CNTN5: variants seen among roughly 807,000 people sequenced by gnomAD.
CNTN5 encodes the protein contactin-5.
Under a neutral mutation model 129.1 loss-of-function variants are expected in CNTN5, and 77 were observed. That is an observed-to-expected ratio of 0.60 (90% CI 0.50 to 0.72). The LOEUF (loss-of-function observed/expected upper bound fraction) is 0.72. Ranked by LOEUF, CNTN5 falls within the 30% of genes least tolerant of loss-of-function variation. The pLI, the probability that CNTN5 is intolerant of heterozygous loss-of-function variation, is 0.00. For missense variants in CNTN5, 1,478 were observed against 1,328.8 expected, an observed-to-expected ratio of 1.11 and a Z score of -1.75; for synonymous variants, 509 against 465.6, an observed-to-expected ratio of 1.09 and a Z score of -1.20.
Position 99,617,591 on chromosome 11 carries a change from T to C in CNTN5, c.55+61322T>C, listed in dbSNP as rs560545146. 3.0e-4 allele frequency among the ~76,000 whole-genome samples: 45 copies of C among 152,290 alleles called. No individual in the cohort carries two copies. The South Asian group carries it at 8.5e-3, about 29-fold the overall frequency. On this transcript the variant is annotated intron_variant, in intron 3 of 24. Coordinates refer to ENST00000524871, the MANE Select transcript of CNTN5 (RefSeq NM_014361.4). ...TCTTATTTTCCTCAATGACAACTTA[T>C]GAAACATTTTAGAACTTGAGATCCC...
chr11:99,452,207 C>A (rs1944328134), intron 2 of CNTN5, among the ~76,000 whole-genome samples: 1 of 151,854 alleles, frequency 6.6e-6, no homozygotes, highest in African/African-American at 2.4e-5. Flanking sequence ...CTGTAAAATA[C>A]TGTATACAAT....
intron 3 of CNTN5, among the ~76,000 whole-genome samples, chr11:99,812,075 GGAAGTCAGTTATCACACACT>G (rs1273736176): frequency 9.9e-5 from 15 of 152,172 alleles, no homozygotes; most frequent in African/African-American, 3.4e-4. Context: ...AAGGCCTACT[GGAAGTCAGTTATCACACACT>G]GAGTTCTTCC....
intron 1 of CNTN5, among the ~76,000 whole-genome samples, chr11:99,273,745 A>G (rs1201849079): frequency 6.6e-6 from 1 of 151,700 alleles, no homozygotes; most frequent in African/African-American, 2.4e-5. Flanking sequence ...TTAATAACTA[A>G]CATAAAGATC....
At chr11:100,059,874 T>C (rs993124979) in intron 9 of CNTN5, among the ~76,000 whole-genome samples, 1 of 152,158 alleles carries the variant, frequency 6.6e-6, no homozygotes. Context: ...ACGTGAAATA[T>C]GTGCAAGGTT....
intron 13 of CNTN5, among the ~76,000 whole-genome samples, chr11:100,176,934 A>C (rs1324316853): frequency 6.6e-6 from 1 of 151,854 alleles, no homozygotes; most frequent in African/African-American, 2.4e-5. Context: ...ATTACAAGAC[A>C]GTTCCGAGAT....
At chr11:99,437,477 T>C (rs1187212426) in intron 2 of CNTN5, among the ~76,000 whole-genome samples, 2 of 152,164 alleles carry the variant, frequency 1.3e-5, no homozygotes, top group African/African-American at 4.8e-5. Context: ...ACTTAAACAA[T>C]ATTTCCCGTT....
intron 20 of CNTN5, among the ~76,000 whole-genome samples, chr11:100,305,752 T>C (rs1487864077): frequency 6.6e-6 from 1 of 151,534 alleles, no homozygotes; most frequent in South Asian, 2.1e-4. Flanking sequence ...AAATAGTACA[T>C]ACTAAAATTT....
At chr11:99,566,190 AT>A in intron 3 of CNTN5, among the ~76,000 whole-genome samples, 1 of 152,124 alleles carries the variant, frequency 6.6e-6, no homozygotes, top group East Asian at 1.9e-4. Context: ...CTCACTCCGA[AT>A]AACGTGAGAT....
chr11:99,064,237 A>G (rs896999841), intron 1 of CNTN5, among the ~76,000 whole-genome samples: 19 of 152,104 alleles, frequency 1.2e-4, no homozygotes, highest in African/African-American at 4.6e-4. Context: ...TGTTCTTACT[A>G]CTTTTCTTCT....
intron 21 of CNTN5, among the ~76,000 whole-genome samples, chr11:100,332,639 G>T (rs1294876719): frequency 6.6e-6 from 1 of 152,082 alleles, no homozygotes; most frequent in East Asian, 1.9e-4. Context: ...GGGATACAGG[G>T]ATAGTTTAAC....
intron 8 of CNTN5, among the ~76,000 whole-genome samples, chr11:100,000,217 C>G (rs1041564779): frequency 3.3e-5 from 5 of 151,988 alleles, no homozygotes; most frequent in Admixed American, 2.0e-4. Context: ...TCATTTGAGA[C>G]AAGAATAGTC....
chr11:99,830,378 C>G (rs1947101034), intron 4 of CNTN5, among the ~76,000 whole-genome samples: 1 of 151,952 alleles, frequency 6.6e-6, no homozygotes. Flanking sequence ...AATTTGTGGC[C>G]TTATGTCTTC....
chr11:99,254,296 T>C (rs1862267973), intron 1 of CNTN5, among the ~76,000 whole-genome samples: 1 of 151,952 alleles, frequency 6.6e-6, no homozygotes, highest in Non-Finnish European at 1.5e-5. Flanking sequence ...ATACTTGCAC[T>C]GAATAACATG....
intron 13 of CNTN5, among the ~76,000 whole-genome samples, chr11:100,177,006 T>C (rs1947987976): frequency 6.6e-6 from 1 of 151,970 alleles, no homozygotes; most frequent in African/African-American, 2.4e-5. Flanking sequence ...TATTCAGCTC[T>C]TCTGCTGAAG....
intron 13 of CNTN5, among the ~76,000 whole-genome samples, chr11:100,162,803 T>A (rs1047620325): frequency 2.0e-5 from 3 of 151,750 alleles, no homozygotes; most frequent in African/African-American, 4.8e-5. Flanking sequence ...TTGAATATAA[T>A]GTATATTTCT....
At chr11:99,258,935 GT>G (rs918378154) in intron 1 of CNTN5, among the ~76,000 whole-genome samples, 2 of 151,674 alleles carry the variant, frequency 1.3e-5, no homozygotes, top group African/African-American at 4.8e-5. Context: ...ACTGATTTGT[GT>G]TTTTTTATTA....
At chr11:99,878,899 A>G (rs1473038740) in intron 6 of CNTN5, among the ~76,000 whole-genome samples, 9 of 152,140 alleles carry the variant, frequency 5.9e-5, no homozygotes. Context: ...TGATACTCCC[A>G]AAAGGTTCTG....
At chr11:99,652,442 C>T (rs1412741973) in intron 3 of CNTN5, among the ~76,000 whole-genome samples, 1 of 151,996 alleles carries the variant, frequency 6.6e-6, no homozygotes, top group Admixed American at 6.6e-5. Context: ...CTATATGATT[C>T]AGAGGTTCTC....
At chr11:100,129,263 C>A (rs1359224925) in intron 13 of CNTN5, among the ~76,000 whole-genome samples, 3 of 152,042 alleles carry the variant, frequency 2.0e-5, no homozygotes, top group African/African-American at 4.8e-5. Context: ...TGGCTATACC[C>A]CTTTCAGGTA....
Sources: gnomAD v4.1 joint callset for allele counts (sites outside exome capture counted in the v4.1 genomes callset) on GRCh38, gnomAD v4.1.1 for gene constraint, MANE v1.5 for transcripts, NCBI Gene and HGNC (gene_info 2026-07-23, HGNC 2026-07-21) for gene names.